The following POLE variants were observed in gnomAD, a reference collection of about 807,000 sequenced individuals.
The protein encoded by POLE is DNA polymerase epsilon, catalytic subunit, also known as DNA polymerase epsilon catalytic subunit A.
POLE carries 188 observed loss-of-function variants against 279.2 expected under a neutral mutation model. The ratio of observed to expected loss-of-function variants is 0.67; its 90% confidence interval spans 0.60 to 0.76. The LOEUF (loss-of-function observed/expected upper bound fraction) is 0.76. POLE is among the 30% of genes least tolerant of loss of function. The pLI is 0.00. For missense variants in POLE, 2,703 were observed against 3,016.7 expected (o/e 0.90, Z 2.44); for synonymous variants, 1,214 against 1,172.5 (o/e 1.04, Z -0.72).
At chr12:132,656,342 C>T (rs2042537886) in intron 29 of POLE, among the ~76,000 whole-genome samples, 1 of 152,100 alleles carries the variant, frequency 6.6e-6, no homozygotes. Context: ...ATTTTAAAAT[C>T]CAATCCATCT....
intron 1 of POLE, among the ~76,000 whole-genome samples, chr12:132,686,733 C>A (rs910248166): frequency 6.6e-6 from 1 of 151,900 alleles, no homozygotes; most frequent in Non-Finnish European, 1.5e-5. Context: ...GGACTCCCTG[C>A]CCAAAAAAAT....
chr12:132,672,209 G>A lies in POLE; in HGVS notation c.1794+6C>T, dbSNP rs769389800. ...GACTGGCTCTTCCTGCCTCCCTGAT[G>A]GTTACCTCTTCAAAGTTGGTGACTT... On this transcript the variant is annotated splice_donor_region_variant and intron_variant, in intron 16 of 48. Coordinates refer to ENST00000320574, the MANE Select transcript of POLE (RefSeq NM_006231.4). 4 of 1,603,076 alleles carry A rather than the reference G, an allele frequency of 2.5e-6. No homozygotes were observed. Among genetic ancestry groups the A allele is most frequent in the African/African-American group, 1.3e-5 (1 of 74,708 alleles).
intron 32 of POLE, among the ~76,000 whole-genome samples, chr12:132,647,534 C>T (rs1217121763): frequency 1.3e-5 from 2 of 151,792 alleles, no homozygotes; most frequent in African/African-American, 4.8e-5. Context: ...CAAAGCTCTT[C>T]GTTATAAAGG....
At chr12:132,646,831 AAAACAAAC>A (rs907197646) in intron 32 of POLE, among the ~76,000 whole-genome samples, 20 of 152,182 alleles carry the variant, frequency 1.3e-4, no homozygotes, top group Admixed American at 3.9e-4. Flanking sequence ...ACTCCATCTC[AAAACAAAC>A]AAACAAACAA....
intron 26 of POLE, chr12:132,658,511 AC>A (rs1167298518): frequency 6.5e-6 from 1 of 154,942 alleles, no homozygotes; most frequent in Non-Finnish European, 1.4e-5. Context: ...CACGTTCATA[AC>A]CATGTCTACA....
At chr12:132,680,486 C>G (rs2043143433) in intron 3 of POLE, 121 bp downstream of exon 3, 1 of 794,816 alleles carries the variant, frequency 1.3e-6, no homozygotes, top group Non-Finnish European at 2.1e-6. Context: ...TCCAGGGGCC[C>G]GAGTTCTGCT....
rs1021142384 is a variant in POLE at position 132,659,634 on chromosome 12, A to G, written c.3061-125T>C. 1.3e-5 allele frequency: 9 copies of G among 703,176 alleles called. No individual in the cohort carries two copies. In the South Asian group the frequency reaches 1.6e-4, roughly 13 times the overall value. The allele number at this position is 703,176 out of a possible 1,614,324, so 43.6% of individuals were successfully genotyped here. A position where few individuals can be genotyped will look rare whatever the true frequency, so the allele number is the denominator to read the frequency against. ...AGACGCAGAAGGCTGCAATTTCAAG[A>G]GCTCTCTAATATGCCTGTGTGGCAA... On this transcript the variant is annotated intron_variant, in intron 25 of 48. Transcript: ENST00000320574.
In POLE at chr12:132,680,039, T is replaced by C. The variant is rs2043135180; in HGVS notation, c.338A>G (p.Glu113Gly). ...YFYIATRKGC[E>G]REVSSFLSKK... Reference sequence around the variant, plus strand: ...GGAGAGAAAAGATGAAACTTCTCGCTCACAACCCTAATCAGGATCAGAATG... The same window carrying C: ...GGAGAGAAAAGATGAAACTTCTCGCCCACAACCCTAATCAGGATCAGAATG... The change falls in exon 5 of 49, where the codon GAG becomes GGG. Residue 113 changes from glutamate (E) to glycine (G), a missense_variant. Physicochemically the swap from Glu to Gly is moderately conservative, Grantham distance 98. Coordinates refer to ENST00000320574, the MANE Select transcript of POLE (RefSeq NM_006231.4). 6.2e-7 allele frequency: 1 copy of C among 1,613,630 alleles called. No homozygotes were observed.
intron 43 of POLE, chr12:132,633,671 A>T (rs2041978629): frequency 6.5e-6 from 1 of 152,982 alleles, no homozygotes; most frequent in East Asian, 1.9e-4. Context: ...TGCTTCCTCG[A>T]TACACTTCAT....
rs111642567 is a variant in POLE at position 132,628,626 on chromosome 12, G to A, written c.6331-2309C>T. Reference sequence around the variant, plus strand: ...CCACTGTATTCCAGCCTGGGCGACAGAGCAAGGAGGCTCCATCTCAAAACA... The same window carrying A: ...CCACTGTATTCCAGCCTGGGCGACAAAGCAAGGAGGCTCCATCTCAAAACA... On this transcript the variant is annotated intron_variant, in intron 45 of 48. Coordinates refer to ENST00000320574, the MANE Select transcript of POLE (RefSeq NM_006231.4). Among the ~76,000 whole-genome samples, 1,370 of 150,354 alleles carry A rather than the reference G, an allele frequency of 9.1e-3. 15 individuals are homozygous for A. Among genetic ancestry groups the A allele is most frequent in the African/African-American group, 0.032 (1,310 of 40,828 alleles).
chr12:132,625,083 G>A (rs971157526), intron 47 of POLE, 89 bp from the exon 48 acceptor site: 8 of 955,046 alleles, frequency 8.4e-6, no homozygotes, highest in South Asian at 4.1e-5. Flanking sequence ...AGACACATTC[G>A]TGGGCCCATC....
rs1162592571 is a variant in POLE, at chr12:132,687,251, C to T, written c.62+3G>A. 6.7e-7 allele frequency: 1 copy of T among 1,495,224 alleles called. No homozygotes were observed. Among genetic ancestry groups the T allele is most frequent in the Non-Finnish European group, 8.9e-7 (1 of 1,124,682 alleles). 92.6% of individuals were successfully genotyped at this position (1,495,224 alleles called of 1,614,324 possible). A position where few individuals can be genotyped will look rare whatever the true frequency, so the allele number is the denominator to read the frequency against. ...CCGAGAGCCTCAGGAGGGCGCCCCT[C>T]ACCTGCTGGCCTCGCCATCCGCGCC... On this transcript the variant is annotated splice_donor_region_variant and intron_variant, in intron 1 of 48. Transcript: ENST00000320574.
At chr12:132,682,291 C>CAAAAAA (rs759276322) in intron 1 of POLE, among the ~76,000 whole-genome samples, 2 of 120,480 alleles carry the variant, frequency 1.7e-5, no homozygotes, top group African/African-American at 6.8e-5. Context: ...GAGACTCCGG[C>CAAAAAA]AAAAAAAAAA....
Position 132,643,974 on chromosome 12 carries a change from T to A in POLE, c.4153A>T (p.Asn1385Tyr), listed in dbSNP as rs2042217919. The stretch of plus-strand genomic sequence containing the variant: ...ATGTTGGAGCGAGGAAGGACCCGAT[T>A]TACCTGGCGAGAATACGACGATGAT... ...AEEGASYRKV[N>Y]RVLPRSNMVY... Residue 1385 changes from asparagine to tyrosine, a missense_variant, in exon 33 of 49, where the codon AAT (asparagine) becomes TAT (tyrosine). Asn to Tyr is a moderately radical substitution (Grantham distance 143). Coordinates refer to ENST00000320574, the MANE Select transcript of POLE (RefSeq NM_006231.4). The A allele has an allele frequency of 6.2e-7, 1 of 1,612,854 alleles. No individual in the cohort carries two copies. The highest frequency in any genetic ancestry group is 8.5e-7 in the Non-Finnish European group (1 of 1,178,938).
intron 32 of POLE, among the ~76,000 whole-genome samples, chr12:132,646,758 G>A (rs1421256433): frequency 6.6e-6 from 1 of 152,110 alleles, no homozygotes; most frequent in African/African-American, 2.4e-5. Flanking sequence ...CTTGAACCCG[G>A]GAGGCGGAGG....
chr12:132,663,282 G>T (rs1210911662), intron 23 of POLE, among the ~76,000 whole-genome samples: 1 of 152,242 alleles, frequency 6.6e-6, no homozygotes, highest in African/African-American at 2.4e-5. Flanking sequence ...GAGCGCCACA[G>T]TAAGGCCTGC....
rs5745055 is a variant in POLE, at chr12:132,630,676, G to A, written c.6330+1639C>T. Among the ~76,000 whole-genome samples, 388 of 152,256 alleles carry A rather than the reference G, an allele frequency of 2.5e-3. 2 individuals are homozygous for A. Among genetic ancestry groups the A allele is most frequent in the African/African-American group, 8.9e-3 (369 of 41,546 alleles). On this transcript the variant is annotated intron_variant, in intron 45 of 48. Transcript: ENST00000320574. ...AGAGGTTGCAGTGAGCTGAGATCGC[G>A]CCACTGCACCCCAGCCTGGGCAATG...
At chr12:132,660,625 A>G (rs2042656642) in intron 25 of POLE, 1 of 200,030 alleles carries the variant, frequency 5.0e-6, no homozygotes, top group East Asian at 1.0e-4. Context: ...GAAATAAACA[A>G]ATATCCCAGG....
In POLE at chr12:132,625,637, C is replaced by T. The variant is rs777791883; in HGVS notation, c.6657+8G>A. The T allele has an allele frequency of 2.6e-5, 42 of 1,612,852 alleles. No homozygotes were observed. Among genetic ancestry groups the T allele is most frequent in the Non-Finnish European group, 3.3e-5 (39 of 1,179,876 alleles). On this transcript the variant is annotated splice_region_variant and intron_variant, in intron 47 of 48. Coordinates refer to ENST00000320574, the MANE Select transcript of POLE (RefSeq NM_006231.4). ...AGGGCACACGGGCAGGCGGCATGCA[C>T]GACTCACCAGGTCCTGCAGGGTGAA...
Sources: gnomAD v4.1 joint callset for allele counts (sites outside exome capture counted in the v4.1 genomes callset) on GRCh38, gnomAD v4.1.1 for gene constraint, MANE v1.5 for transcripts, NCBI Gene and HGNC (gene_info 2026-07-23, HGNC 2026-07-21) for gene names.